The following ERBB4 variants were observed in gnomAD, a reference collection of about 807,000 sequenced individuals.
ERBB4 encodes erb-b2 receptor tyrosine kinase 4.
A neutral mutation model predicts 158.0 loss-of-function variants in ERBB4; 42 were observed. The ratio of observed to expected loss-of-function variants is 0.27; its 90% confidence interval spans 0.21 to 0.34. The LOEUF is 0.34. Among genes scored for constraint, ERBB4 ranks in the 10% least tolerant of loss-of-function variants. The pLI, the probability that ERBB4 is intolerant of heterozygous loss-of-function variation, is 1.00. For synonymous variants in ERBB4, 583 were observed against 558.7 expected (o/e 1.04, Z -0.61); for missense variants, 1,333 against 1,624.1 (o/e 0.82, Z 3.08).
intron 2 of ERBB4, among the ~76,000 whole-genome samples, chr2:212,009,759 A>G (rs2125302847): frequency 6.6e-6 from 1 of 152,262 alleles, no homozygotes; most frequent in South Asian, 2.1e-4. Flanking sequence ...ATAAAAATCA[A>G]TGGCTGAAAT....
chr2:212,080,461 TA>T (rs2078404340), intron 2 of ERBB4, among the ~76,000 whole-genome samples: 2 of 151,768 alleles, frequency 1.3e-5, no homozygotes, highest in South Asian at 4.2e-4. Flanking sequence ...ACCATTTTTT[TA>T]AAAAATAATG....
At chr2:212,374,856 AG>A in intron 1 of ERBB4, among the ~76,000 whole-genome samples, 1 of 152,084 alleles carries the variant, frequency 6.6e-6, no homozygotes, top group East Asian at 1.9e-4. Context: ...CCAAATTGAA[AG>A]GGGAAAGTAA....
chr2:211,825,476 AT>A (rs2077081987), intron 3 of ERBB4, among the ~76,000 whole-genome samples: 1 of 151,750 alleles, frequency 6.6e-6, no homozygotes, highest in Admixed American at 6.6e-5. Flanking sequence ...AACAAATTAA[AT>A]CCCATTTCAA....
chr2:211,451,482 A>G (rs2064246297), intron 20 of ERBB4, among the ~76,000 whole-genome samples: 1 of 152,218 alleles, frequency 6.6e-6, no homozygotes, highest in Admixed American at 6.5e-5. Flanking sequence ...AGAAAGAAAT[A>G]TTATATAAGG....
chr2:212,502,872 G>A (rs527407532), intron 1 of ERBB4, among the ~76,000 whole-genome samples: 1 of 152,164 alleles, frequency 6.6e-6, no homozygotes, highest in South Asian at 2.1e-4. Flanking sequence ...CTGGGCTCAG[G>A]TGATCCTCCT....
intron 1 of ERBB4, among the ~76,000 whole-genome samples, chr2:212,234,125 C>T: frequency 6.6e-6 from 1 of 152,058 alleles, no homozygotes; most frequent in East Asian, 1.9e-4. Context: ...AATGCCATCC[C>T]TCCCCTAGCC....
intron 3 of ERBB4, among the ~76,000 whole-genome samples, chr2:211,830,967 A>G (rs1167654002): frequency 6.6e-6 from 1 of 152,126 alleles, no homozygotes; most frequent in Admixed American, 6.6e-5. Context: ...ATATACCAGG[A>G]TGAAAATAGA....
At chr2:211,712,255 T>G in intron 8 of ERBB4, 79 bp from the exon 9 acceptor site, 1 of 1,353,546 alleles carries the variant, frequency 7.4e-7, no homozygotes, top group Admixed American at 1.7e-5. Flanking sequence ...CATTATAAAA[T>G]AGCAGAGTAT....
At chr2:211,789,243 T>C (rs2076231415) in intron 3 of ERBB4, among the ~76,000 whole-genome samples, 1 of 152,174 alleles carries the variant, frequency 6.6e-6, no homozygotes, top group Admixed American at 6.5e-5. Flanking sequence ...TCAACTACAA[T>C]TAATCAAAAC....
intron 3 of ERBB4, among the ~76,000 whole-genome samples, chr2:211,893,645 T>A (rs1247284207): frequency 7.6e-6 from 1 of 131,398 alleles, no homozygotes; most frequent in Non-Finnish European, 1.6e-5. Context: ...GGGAGAAAAT[T>A]TTCGCAACCT....
chr2:212,462,013 T>G (rs562435394), intron 1 of ERBB4, among the ~76,000 whole-genome samples: 1 of 152,342 alleles, frequency 6.6e-6, no homozygotes, highest in South Asian at 2.1e-4. Context: ...TAAACTTCTT[T>G]CTTTTTCAAA....
chr2:211,488,821 A>T (rs191626210), intron 20 of ERBB4, among the ~76,000 whole-genome samples: 1 of 152,188 alleles, frequency 6.6e-6, no homozygotes, highest in Non-Finnish European at 1.5e-5. Flanking sequence ...CAGAGTAAAA[A>T]GGTGAGAGCA....
chr2:211,726,333 A>G (rs1400809990), intron 5 of ERBB4, among the ~76,000 whole-genome samples: 1 of 152,102 alleles, frequency 6.6e-6, no homozygotes, highest in Non-Finnish European at 1.5e-5. Flanking sequence ...TGACTTTCAG[A>G]TCTAGAATTG....
At chr2:212,337,815 T>C (rs1245603180) in intron 1 of ERBB4, among the ~76,000 whole-genome samples, 1 of 152,122 alleles carries the variant, frequency 6.6e-6, no homozygotes, top group Non-Finnish European at 1.5e-5. Flanking sequence ...AAAGGTTTTG[T>C]TTTCAAATAT....
At chr2:212,253,099 C>T (rs533736648) in intron 1 of ERBB4, among the ~76,000 whole-genome samples, 1 of 152,014 alleles carries the variant, frequency 6.6e-6, no homozygotes, top group African/African-American at 2.4e-5. Flanking sequence ...AATCAAATGT[C>T]TGTAGATTTA....
chr2:212,269,913 T>C lies in ERBB4; in HGVS notation c.83-145010A>G, dbSNP rs564980844. On this transcript the variant is annotated intron_variant, in intron 1 of 27. Transcript: ENST00000342788. ...ACACCAAGTGCCTCTAAGTATCACGTCAAAGAAATTCAATATTTCTGCCTG... is the reference window on the plus strand; with the variant it reads ...ACACCAAGTGCCTCTAAGTATCACGCCAAAGAAATTCAATATTTCTGCCTG... Among the ~76,000 whole-genome samples the C allele has an allele frequency of 1.1e-4, 17 of 151,906 alleles. No individual in the cohort carries two copies. In the South Asian group the frequency reaches 2.5e-3, roughly 22 times the overall value.
intron 19 of ERBB4, among the ~76,000 whole-genome samples, chr2:211,584,764 TA>T (rs111259768): frequency 0.018 from 2,744 of 151,728 alleles, 74 homozygotes; most frequent in African/African-American, 0.06. Context: ...TATTTACATA[TA>T]AAAAATATAT....
At chr2:211,524,563 C>T (rs550671541) in intron 20 of ERBB4, among the ~76,000 whole-genome samples, 338 of 152,258 alleles carry the variant, frequency 2.2e-3, no homozygotes, top group Non-Finnish European at 3.4e-3. Context: ...TCAAGCGCAG[C>T]GCTGGTGGGC....
At position 211,381,660 on chromosome 2, in the gene ERBB4, G is replaced by A. The variant is rs2062575738; in HGVS notation, c.*1955C>T. 4.3e-6 allele frequency: 1 copy of A among 231,774 alleles called. No individual in the cohort carries two copies. Among genetic ancestry groups the A allele is most frequent in the East Asian group, 6.1e-5 (1 of 16,350 alleles). 14.4% of individuals were successfully genotyped at this position (231,774 alleles called of 1,614,324 possible). The stretch of plus-strand genomic sequence containing the variant: ...CTTTTAGTAGACACAGTTAGATAAA[G>A]GAGGTTTGGATGGATGGATGGATGG... On this transcript the variant is annotated 3_prime_UTR_variant, in exon 28 of 28. Coordinates refer to ENST00000342788, the MANE Select transcript of ERBB4 (RefSeq NM_005235.3).
Sources: gnomAD v4.1 joint callset for allele counts (sites outside exome capture counted in the v4.1 genomes callset) on GRCh38, gnomAD v4.1.1 for gene constraint, MANE v1.5 for transcripts, NCBI Gene and HGNC (gene_info 2026-07-23, HGNC 2026-07-21) for gene names.